Variants in CAST observed in about 807,000 individuals in gnomAD.
CAST encodes MIR583 host.
Under a neutral mutation model 119.6 loss-of-function variants are expected in CAST, and 76 were observed. That is an observed-to-expected ratio of 0.64 (90% confidence interval 0.53 to 0.77). CAST has a LOEUF of 0.77. Ranked by LOEUF, CAST falls within the 30% of genes least tolerant of loss-of-function variation. CAST has a pLI of 0.00. For synonymous variants in CAST, 319 were observed against 331.6 expected (o/e 0.96, Z 0.41); for missense variants, 953 against 946.5 (o/e 1.01, Z -0.09).
chr5:96,202,570 GCAAAA>G, the CAST span, among the ~76,000 whole-genome samples: 2 of 151,986 alleles, frequency 1.3e-5, no homozygotes, highest in African/African-American at 4.8e-5. Flanking sequence ...ATACAAATTA[GCAAAA>G]CAAAACAAAA....
At chr5:96,125,219 G>T in the CAST span, among the ~76,000 whole-genome samples, 1 of 152,064 alleles carries the variant, frequency 6.6e-6, no homozygotes, top group African/African-American at 2.4e-5. Flanking sequence ...TTGGTGATAG[G>T]TTTTTGCTTA....
At chr5:96,513,498 A>G in the CAST span, among the ~76,000 whole-genome samples, 3 of 152,198 alleles carry the variant, frequency 2.0e-5, no homozygotes, top group African/African-American at 7.2e-5. Context: ...CTAACAACAA[A>G]TAAGTCACTG....
chr5:96,714,807 C>T (rs1756903304), intron 3 of CAST: 1 of 152,128 alleles, frequency 6.6e-6, no homozygotes, highest in Non-Finnish European at 1.5e-5. Context: ...AAATTATTAT[C>T]CCATAAAAAA....
chr5:96,635,170 G>C (rs919276792), intron 1 of CAST, among the ~76,000 whole-genome samples: 1 of 152,178 alleles, frequency 6.6e-6, no homozygotes, highest in Non-Finnish European at 1.5e-5. Flanking sequence ...CCTAGAAATG[G>C]GTCTTGATGT....
At chr5:96,342,764 C>A in the CAST span, among the ~76,000 whole-genome samples, 1 of 152,186 alleles carries the variant, frequency 6.6e-6, no homozygotes, top group Admixed American at 6.5e-5. Flanking sequence ...TTATTTCCCA[C>A]ATTTGCACAT....
At chr5:96,019,757 A>T in the CAST span, among the ~76,000 whole-genome samples, 1 of 152,132 alleles carries the variant, frequency 6.6e-6, no homozygotes, top group East Asian at 1.9e-4. Flanking sequence ...CTATATAATA[A>T]GCTTTTGTTT....
chr5:96,530,520 TAG>T (rs1421202171), intron 1 of CAST, among the ~76,000 whole-genome samples: 1 of 152,110 alleles, frequency 6.6e-6, no homozygotes, highest in African/African-American at 2.4e-5. Flanking sequence ...CAATGCACAG[TAG>T]AGACCTGTTA....
chr5:96,247,465 C>T, the CAST span, among the ~76,000 whole-genome samples: 9 of 152,224 alleles, frequency 5.9e-5, no homozygotes, highest in Admixed American at 4.6e-4. Context: ...AGTTCATGTG[C>T]GTAGCACCAA....
chr5:96,341,693 C>T, the CAST span, among the ~76,000 whole-genome samples: 1 of 151,998 alleles, frequency 6.6e-6, no homozygotes, highest in African/African-American at 2.4e-5. Flanking sequence ...TATCCTCTGT[C>T]ATAATAAATG....
At chr5:96,556,561 T>C (rs2150183400) in intron 1 of CAST, among the ~76,000 whole-genome samples, 2 of 152,272 alleles carry the variant, frequency 1.3e-5, no homozygotes, top group Middle Eastern at 3.4e-3. Flanking sequence ...ATGTGACCAA[T>C]GCACAAGCCT....
the CAST span, among the ~76,000 whole-genome samples, chr5:96,501,131 C>T: frequency 6.6e-6 from 1 of 152,072 alleles, no homozygotes. Flanking sequence ...ATGGCCATAT[C>T]TAGATTAAAA....
At chr5:96,663,939 CAA>C (rs3048777) in intron 1 of CAST, among the ~76,000 whole-genome samples, 29 of 111,036 alleles carry the variant, frequency 2.6e-4, no homozygotes, top group African/African-American at 3.6e-4. Context: ...GATTGCTTTC[CAA>C]AAAAAAAAAA....
the CAST span, among the ~76,000 whole-genome samples, chr5:96,441,214 G>A: frequency 1.3e-5 from 2 of 152,136 alleles, no homozygotes; most frequent in East Asian, 3.8e-4. Context: ...GGAGTAGGGA[G>A]GCATCTTGGA....
chr5:96,347,679 G>A, the CAST span, among the ~76,000 whole-genome samples: 2 of 152,108 alleles, frequency 1.3e-5, no homozygotes, highest in Non-Finnish European at 2.9e-5. Context: ...ATGTGAGTCA[G>A]CCTTATCATC....
upstream of CAST, among the ~76,000 whole-genome samples, chr5:96,522,334 G>GT (rs985597501): frequency 6.6e-6 from 1 of 152,048 alleles, no homozygotes; most frequent in Non-Finnish European, 1.5e-5. Context: ...TCCTTGGAGT[G>GT]TTTTTTTCCC....
At chr5:96,356,315 T>C in the CAST span, among the ~76,000 whole-genome samples, 1 of 152,232 alleles carries the variant, frequency 6.6e-6, no homozygotes, top group Non-Finnish European at 1.5e-5. Context: ...TTTCTTTTGC[T>C]GTGCGGAAGC....
intron 1 of CAST, among the ~76,000 whole-genome samples, chr5:96,577,616 C>T (rs1746698870): frequency 6.6e-6 from 1 of 151,926 alleles, no homozygotes; most frequent in South Asian, 2.1e-4. Context: ...TTTTTAATTT[C>T]CTTTGAGACT....
intron 29 of CAST, chr5:96,769,745 T>G (rs1360499303): frequency 6.6e-6 from 1 of 151,732 alleles, no homozygotes; most frequent in East Asian, 1.9e-4. Context: ...CCTCCTCCTG[T>G]TCCCTACCAT....
chr5:96,663,220 G>A (rs1748826069), intron 1 of CAST: 1 of 702,574 alleles, frequency 1.4e-6, no homozygotes, highest in South Asian at 1.5e-5. Flanking sequence ...GTGTTGGAAG[G>A]GAGTGTGTTT....
Sources: gnomAD v4.1 joint callset for allele counts (sites outside exome capture counted in the v4.1 genomes callset) on GRCh38, gnomAD v4.1.1 for gene constraint, MANE v1.5 for transcripts, NCBI Gene and HGNC (gene_info 2026-07-23, HGNC 2026-07-21) for gene names.